The following ITPK1 variants were observed in gnomAD, a reference collection of about 807,000 sequenced individuals.
ITPK1 encodes the protein inositol-tetrakisphosphate 1-kinase, also known as inositol 1,3,4-trisphosphate 5/6-kinase.
In ITPK1, 21 loss-of-function variants were observed where a neutral mutation model predicts 45.3. The observed-to-expected ratio is 0.46, with a 90% CI of 0.33 to 0.67. The LOEUF (loss-of-function observed/expected upper bound fraction) is 0.67, where lower values mean the gene tolerates loss of function less well. ITPK1 is among the 30% of genes least tolerant of loss of function. The probability of loss-of-function intolerance (pLI) is 0.02; values close to 1 mark genes in which losing one functional copy is unlikely to be tolerated. For synonymous variants in ITPK1, 258 were observed against 253.6 expected, an observed-to-expected ratio of 1.02 and a Z score of -0.16; for missense variants, 474 against 573.5, an observed-to-expected ratio of 0.83 and a Z score of 1.77.
intron 9 of ITPK1, 22 bp downstream of exon 9, chr14:92,951,922 GGC>G: frequency 6.4e-7 from 1 of 1,558,608 alleles, no homozygotes; most frequent in Non-Finnish European, 8.7e-7. Context: ...TTTCAGGCCA[GGC>G]CATCCCAGCA....
At chr14:93,052,659 G>C (rs536541386) in intron 3 of ITPK1, among the ~76,000 whole-genome samples, 7 of 152,100 alleles carry the variant, frequency 4.6e-5, no homozygotes, top group Non-Finnish European at 1.0e-4. Flanking sequence ...AGCCTCACCG[G>C]CCTTCTGGCT....
At chr14:93,051,590 T>C (rs1190686110) in intron 3 of ITPK1, among the ~76,000 whole-genome samples, 3 of 149,270 alleles carry the variant, frequency 2.0e-5, no homozygotes, top group Non-Finnish European at 4.4e-5. Context: ...CACTCCAGCC[T>C]GGGTGATGGA....
In ITPK1 at chr14:93,014,328, A is replaced by C. The variant is rs1021183051; in HGVS notation, c.246+2348T>G. The stretch of plus-strand genomic sequence containing the variant: ...AGGAACACAGCGGGCACTCTCATTC[A>C]CTGTTTGGACATCACTTGCCTGGGC... On this transcript the variant is annotated intron_variant, in intron 4 of 10. Transcript: ENST00000267615. The surrounding 1 kb of genome is among the most constrained non-coding windows in gnomAD (Gnocchi z 4.4). 1.3e-5 allele frequency among the ~76,000 whole-genome samples: 2 copies of C among 152,018 alleles called. No individual in the cohort carries two copies. The highest frequency in any genetic ancestry group is 2.4e-5 in the African/African-American group (1 of 41,384).
At chr14:93,110,456 T>C (rs1892706463) in intron 2 of ITPK1, among the ~76,000 whole-genome samples, 1 of 152,188 alleles carries the variant, frequency 6.6e-6, no homozygotes, top group Non-Finnish European at 1.5e-5. Context: ...CAGACCAGAA[T>C]GCTAAGCCAT....
At chr14:92,985,644 G>C (rs1452000103) in intron 5 of ITPK1, among the ~76,000 whole-genome samples, 2 of 152,016 alleles carry the variant, frequency 1.3e-5, no homozygotes, top group Non-Finnish European at 2.9e-5. Context: ...CTGGGCGTTT[G>C]GGCAGAATGG....
At chr14:93,051,857 G>A (rs1890029366) in intron 3 of ITPK1, among the ~76,000 whole-genome samples, 1 of 152,226 alleles carries the variant, frequency 6.6e-6, no homozygotes, top group South Asian at 2.1e-4. Flanking sequence ...CCTAATCCCT[G>A]CCACTGTTAT....
intron 3 of ITPK1, among the ~76,000 whole-genome samples, chr14:93,037,587 G>A (rs1216779258): frequency 6.6e-6 from 1 of 152,164 alleles, no homozygotes; most frequent in Non-Finnish European, 1.5e-5. Context: ...GCCAGGCCCA[G>A]GACTCAAGAA....
In ITPK1 at chr14:93,016,898, C is replaced by A. The variant is rs2295391; in HGVS notation, c.121-97G>T. On this transcript the variant is annotated intron_variant, in intron 3 of 10. Coordinates refer to ENST00000267615, the MANE Select transcript of ITPK1 (RefSeq NM_014216.6). This position sits in a 1 kb window ranked among gnomAD's most constrained non-coding sequence, Gnocchi z 5.0. ...ACCCTGGGGCATATCACCAGAGGACCCTCGAGCCTCCCTGTAGCACTCTGG... is the reference window on the plus strand; with the variant it reads ...ACCCTGGGGCATATCACCAGAGGACACTCGAGCCTCCCTGTAGCACTCTGG... 451 of 1,513,054 alleles carry A rather than the reference C, an allele frequency of 3.0e-4. 3 individuals are homozygous for A. The East Asian group carries it at 9.3e-3, about 31-fold the overall frequency. The allele number at this position is 1,513,054 out of a possible 1,614,324, so 93.7% of individuals were successfully genotyped here. A position where few individuals can be genotyped will look rare whatever the true frequency, so the allele number is the denominator to read the frequency against.
At chr14:93,008,965 G>C (rs573158055) in intron 4 of ITPK1, among the ~76,000 whole-genome samples, 1 of 152,314 alleles carries the variant, frequency 6.6e-6, no homozygotes, top group South Asian at 2.1e-4. Context: ...TGGCCCACCT[G>C]AGCTCTCAGA....
At chr14:92,968,416 T>A (rs1254272340) in intron 5 of ITPK1, among the ~76,000 whole-genome samples, 1 of 152,128 alleles carries the variant, frequency 6.6e-6, no homozygotes, top group Non-Finnish European at 1.5e-5. Context: ...GTAGCTGTCA[T>A]CCAGAGTGCT....
At chr14:92,974,945 C>T (rs1487987514) in intron 5 of ITPK1, among the ~76,000 whole-genome samples, 3 of 152,226 alleles carry the variant, frequency 2.0e-5, no homozygotes, top group Non-Finnish European at 2.9e-5. Context: ...GCAGTGACTT[C>T]ACAGCTTCAG....
At chr14:93,082,314 G>A (rs1891469518) in intron 2 of ITPK1, among the ~76,000 whole-genome samples, 1 of 152,208 alleles carries the variant, frequency 6.6e-6, no homozygotes, top group African/African-American at 2.4e-5. Flanking sequence ...CCGTGGTGGT[G>A]CCAGGAAGTG....
intron 4 of ITPK1, among the ~76,000 whole-genome samples, chr14:93,004,687 C>T (rs985664422): frequency 3.3e-5 from 5 of 151,890 alleles, no homozygotes; most frequent in Admixed American, 2.0e-4. Context: ...CACATTCTCC[C>T]CACCCTCCCA....
intron 3 of ITPK1, among the ~76,000 whole-genome samples, chr14:93,075,393 C>T (rs1891181295): frequency 8.5e-6 from 1 of 117,924 alleles, no homozygotes; most frequent in Non-Finnish European, 1.8e-5. Flanking sequence ...TAGTGCAGAA[C>T]ATGCAATTCT....
intron 2 of ITPK1, among the ~76,000 whole-genome samples, chr14:93,094,729 G>A (rs2140011836): frequency 6.6e-6 from 1 of 152,328 alleles, no homozygotes; most frequent in South Asian, 2.1e-4. Context: ...CACAGCGTGG[G>A]GACGGGACCC....
chr14:93,044,214 G>A (rs552771573), intron 3 of ITPK1, among the ~76,000 whole-genome samples: 2 of 152,318 alleles, frequency 1.3e-5, no homozygotes, highest in South Asian at 4.1e-4. Context: ...GAATGGTGGG[G>A]CCTAAGGGGC....
At chr14:92,956,724 T>C (rs1253959542) in intron 8 of ITPK1, among the ~76,000 whole-genome samples, 1 of 152,230 alleles carries the variant, frequency 6.6e-6, no homozygotes, top group African/African-American at 2.4e-5. Flanking sequence ...ATAACTCCTC[T>C]TAATTTAATA....
At chr14:92,978,953 A>G (rs1380858826) in intron 5 of ITPK1, among the ~76,000 whole-genome samples, 1 of 152,182 alleles carries the variant, frequency 6.6e-6, no homozygotes, top group East Asian at 1.9e-4. Flanking sequence ...AGATCCACCG[A>G]GAGCTTATAC....
intron 4 of ITPK1, among the ~76,000 whole-genome samples, chr14:92,994,837 C>A (rs900753937): frequency 5.3e-5 from 8 of 152,198 alleles, no homozygotes; most frequent in Non-Finnish European, 1.2e-4. Flanking sequence ...CTTAACCCTT[C>A]AGCATTTGTG....
Sources: allele counts gnomAD v4.1 joint callset (sites outside exome capture counted in the v4.1 genomes callset), GRCh38; gene constraint gnomAD v4.1.1; non-coding constraint Gnocchi (gnomAD v3.1); transcripts MANE v1.5; gene names NCBI Gene and HGNC (gene_info 2026-07-23, HGNC 2026-07-21).